CTNNA3: variants seen among roughly 807,000 people sequenced by gnomAD.
CTNNA3 encodes the protein catenin alpha 3.
In CTNNA3, 76 loss-of-function variants were observed where a neutral mutation model predicts 95.7. The observed-to-expected ratio is 0.79, with a 90% CI of 0.66 to 0.96. The LOEUF (loss-of-function observed/expected upper bound fraction) is 0.96. Ranked by LOEUF, CTNNA3 falls within the 40% of genes least tolerant of loss-of-function variation. The pLI is 0.00. For missense variants in CTNNA3, 1,191 were observed against 1,089.8 expected (o/e 1.09, Z -1.31); for synonymous variants, 431 against 374.4 (o/e 1.15, Z -1.74).
intron 7 of CTNNA3, among the ~76,000 whole-genome samples, chr10:66,889,836 G>A (rs1042804671): frequency 2.6e-4 from 39 of 150,214 alleles, no homozygotes; most frequent in Admixed American, 3.3e-4. Context: ...TGTCCCCAAG[G>A]CTGGAGTGCA....
At chr10:67,081,470 G>A (rs1009310915) in intron 7 of CTNNA3, among the ~76,000 whole-genome samples, 3 of 152,158 alleles carry the variant, frequency 2.0e-5, no homozygotes, top group African/African-American at 7.2e-5. Context: ...CCATTTAACA[G>A]TGCCAATATT....
At chr10:67,291,216 T>A (rs912498459) in intron 5 of CTNNA3, among the ~76,000 whole-genome samples, 4 of 152,148 alleles carry the variant, frequency 2.6e-5, no homozygotes, top group Admixed American at 6.6e-5. Flanking sequence ...AAATAATACA[T>A]GTACAATGCT....
chr10:67,401,498 A>G (rs2042188013), intron 5 of CTNNA3, among the ~76,000 whole-genome samples: 1 of 152,152 alleles, frequency 6.6e-6, no homozygotes, highest in Non-Finnish European at 1.5e-5. Flanking sequence ...CCTGAATGCT[A>G]AGGCTGATTT....
At chr10:66,300,095 T>C (rs1167718718) in intron 12 of CTNNA3, among the ~76,000 whole-genome samples, 2 of 151,990 alleles carry the variant, frequency 1.3e-5, no homozygotes, top group Non-Finnish European at 2.9e-5. Context: ...GTTTTCACCA[T>C]GTTGGCCAGG....
intron 5 of CTNNA3, among the ~76,000 whole-genome samples, chr10:67,331,672 A>C (rs1164460753): frequency 6.6e-6 from 1 of 152,210 alleles, no homozygotes; most frequent in Non-Finnish European, 1.5e-5. Flanking sequence ...ATGTGTTAAC[A>C]TTCTTGAGAT....
intron 7 of CTNNA3, among the ~76,000 whole-genome samples, chr10:67,079,032 C>T (rs181910140): frequency 6.6e-6 from 1 of 152,202 alleles, no homozygotes; most frequent in African/African-American, 2.4e-5. Flanking sequence ...ACTCTTAATC[C>T]ACTTCAACTA....
intron 12 of CTNNA3, among the ~76,000 whole-genome samples, chr10:66,346,238 TATATATATAGAGAGAG>T (rs1234916464): frequency 0.061 from 959 of 15,816 alleles, 8 homozygotes; most frequent in Non-Finnish European, 0.085. Flanking sequence ...TATATATATA[TATATATATAGAGAGAG>T]AGAGAGAGAG....
At chr10:67,605,984 A>T (rs1471759801) in intron 3 of CTNNA3, among the ~76,000 whole-genome samples, 1 of 152,196 alleles carries the variant, frequency 6.6e-6, no homozygotes, top group East Asian at 1.9e-4. Context: ...AATTTTTTTT[A>T]AATCCCCTGT....
Position 66,723,120 on chromosome 10 carries a change from A to G in CTNNA3, c.1281+43144T>C, listed in dbSNP as rs1848679814. The stretch of plus-strand genomic sequence containing the variant: ...TCCTGCCTAGCAAGAAAGAATAAAG[A>G]AAAGGGAGAGGAGGGGAGAGAAAGG... On this transcript the variant is annotated intron_variant, in intron 9 of 17. Transcript: ENST00000433211. 2.0e-5 allele frequency among the ~76,000 whole-genome samples: 3 copies of G among 152,188 alleles called. No homozygotes were observed. The South Asian group carries it at 6.2e-4, about 32-fold the overall frequency.
intron 7 of CTNNA3, among the ~76,000 whole-genome samples, chr10:67,095,357 A>T (rs1411514129): frequency 6.6e-6 from 1 of 151,858 alleles, no homozygotes; most frequent in Admixed American, 6.6e-5. Context: ...ATGTGGATTT[A>T]TATTTAAACA....
At chr10:67,504,432 T>G (rs1307696770) in intron 5 of CTNNA3, among the ~76,000 whole-genome samples, 3 of 48,482 alleles carry the variant, frequency 6.2e-5, no homozygotes, top group African/African-American at 1.7e-4. Flanking sequence ...TGAGACTCCA[T>G]CTCAAAAAAA....
chr10:67,219,263 C>T (rs2132263484), intron 6 of CTNNA3, among the ~76,000 whole-genome samples: 1 of 152,280 alleles, frequency 6.6e-6, no homozygotes, highest in East Asian at 1.9e-4. Context: ...TCAGATATGT[C>T]CCAAGCACAT....
intron 15 of CTNNA3, among the ~76,000 whole-genome samples, chr10:66,041,694 C>A (rs2079691616): frequency 6.6e-6 from 1 of 152,064 alleles, no homozygotes; most frequent in African/African-American, 2.4e-5. Flanking sequence ...TCTCTCACTC[C>A]CCACATCAAC....
rs145008712 is a variant in CTNNA3 at position 66,804,452 on chromosome 10, G to A, written c.1048-28928C>T. 6.9e-3 allele frequency among the ~76,000 whole-genome samples: 1,043 copies of A among 151,972 alleles called. 7 individuals are homozygous for A. Among genetic ancestry groups the A allele is most frequent in the African/African-American group, 0.024 (989 of 41,474 alleles). On this transcript the variant is annotated intron_variant, in intron 7 of 17. Coordinates refer to ENST00000433211, the MANE Select transcript of CTNNA3 (RefSeq NM_013266.4). ...GTTCTGCTTTCCTAATGATAAGAAC[G>A]ATACCTCAAACCCTCTCTCCTGCAC...
intron 11 of CTNNA3, among the ~76,000 whole-genome samples, chr10:66,481,852 T>G (rs550370963): frequency 2.8e-4 from 42 of 152,294 alleles, no homozygotes; most frequent in African/African-American, 9.6e-4. Context: ...CATGTGTTGG[T>G]CCACGTTGGT....
intron 7 of CTNNA3, among the ~76,000 whole-genome samples, chr10:66,825,404 T>C (rs1353679812): frequency 6.6e-6 from 1 of 151,478 alleles, no homozygotes; most frequent in South Asian, 2.1e-4. Flanking sequence ...GCCTCCCAAG[T>C]AGCTGGGATT....
intron 10 of CTNNA3, among the ~76,000 whole-genome samples, chr10:66,618,431 G>A (rs1844609744): frequency 6.6e-6 from 1 of 152,080 alleles, no homozygotes; most frequent in African/African-American, 2.4e-5. Flanking sequence ...TCTGATCTTT[G>A]ACAAACCTGA....
At chr10:66,243,278 G>A (rs2090177841) in intron 13 of CTNNA3, among the ~76,000 whole-genome samples, 1 of 152,134 alleles carries the variant, frequency 6.6e-6, no homozygotes, top group Non-Finnish European at 1.5e-5. Flanking sequence ...TGCCTCTTGT[G>A]GGGAAAATCA....
At chr10:67,588,418 T>C (rs1409258265) in intron 3 of CTNNA3, among the ~76,000 whole-genome samples, 1 of 151,964 alleles carries the variant, frequency 6.6e-6, no homozygotes, top group Non-Finnish European at 1.5e-5. Context: ...TGGCTTTGCT[T>C]GTGTGTGTGT....
Sources: allele counts gnomAD v4.1 joint callset (sites outside exome capture counted in the v4.1 genomes callset), GRCh38; gene constraint gnomAD v4.1.1; transcripts MANE v1.5; gene names NCBI Gene and HGNC (gene_info 2026-07-23, HGNC 2026-07-21).